The following VPS13B variants were observed in gnomAD, a reference collection of about 807,000 sequenced individuals.
VPS13B encodes vacuolar protein sorting 13 homolog B, also known as intermembrane lipid transfer protein VPS13B.
A neutral mutation model predicts 426.4 loss-of-function variants in VPS13B; 285 were observed. That is an observed-to-expected ratio of 0.67 (90% CI 0.61 to 0.74). VPS13B has a LOEUF of 0.74. VPS13B is among the 30% of genes least tolerant of loss of function. The pLI is 0.00. For missense variants in VPS13B, 4,537 were observed against 4,782.6 expected (o/e 0.95, Z 1.51); for synonymous variants, 1,676 against 1,676.4 (o/e 1.00, Z 0.01).
chr8:99,213,303 C>T (rs1442647579), intron 17 of VPS13B, among the ~76,000 whole-genome samples: 1 of 151,972 alleles, frequency 6.6e-6, no homozygotes, highest in East Asian at 1.9e-4. Flanking sequence ...AATTTTATTG[C>T]AAATATTCAT....
chr8:99,051,387 G>A (rs62532632), intron 3 of VPS13B, among the ~76,000 whole-genome samples: 109,793 of 149,732 alleles, frequency 0.73, 41,004 homozygotes, highest in South Asian at 0.87. Flanking sequence ...CCATTGGTCT[G>A]TATCTCTGTT....
chr8:99,448,617 T>C (rs1028997896), intron 23 of VPS13B, among the ~76,000 whole-genome samples: 5 of 152,180 alleles, frequency 3.3e-5, no homozygotes, highest in African/African-American at 1.2e-4. Flanking sequence ...ACAGCCCTTC[T>C]GGTTTCAGTG....
At chr8:99,695,198 G>A (rs1270797823) in intron 35 of VPS13B, among the ~76,000 whole-genome samples, 2 of 148,978 alleles carry the variant, frequency 1.3e-5, no homozygotes, top group Non-Finnish European at 3.0e-5. Context: ...CCATTACTGG[G>A]TATATACCCA....
At chr8:99,349,060 G>A (rs1022943861) in intron 19 of VPS13B, among the ~76,000 whole-genome samples, 5 of 151,600 alleles carry the variant, frequency 3.3e-5, no homozygotes, top group East Asian at 1.9e-4. Context: ...GCGGCCGGGC[G>A]CGGTGGCTCA....
intron 39 of VPS13B, among the ~76,000 whole-genome samples, chr8:99,741,407 C>T (rs1344143600): frequency 6.6e-6 from 1 of 152,182 alleles, no homozygotes; most frequent in Non-Finnish European, 1.5e-5. Context: ...CAACATTAGA[C>T]AGATCAACCA....
In VPS13B at chr8:99,627,270, T is replaced by A. The variant is rs1231990564; in HGVS notation, c.5221-14541T>A. Among the ~76,000 whole-genome samples, 5 of 152,006 alleles carry A rather than the reference T, an allele frequency of 3.3e-5. No individual in the cohort carries two copies. The East Asian group carries it at 9.7e-4, about 29-fold the overall frequency. On this transcript the variant is annotated intron_variant, in intron 33 of 61. Transcript: ENST00000357162. ...AATAACTAAGAGACTAAATTTCAAATGTATCACCATAAAAAAATAGGTACT... is the reference window on the plus strand; with the variant it reads ...AATAACTAAGAGACTAAATTTCAAAAGTATCACCATAAAAAAATAGGTACT...
intron 5 of VPS13B, among the ~76,000 whole-genome samples, chr8:99,105,918 C>A (rs1563543170): frequency 6.6e-6 from 1 of 152,006 alleles, no homozygotes; most frequent in East Asian, 1.9e-4. Context: ...GCAAATATAC[C>A]ATATGAAAGC....
intron 15 of VPS13B, 147 bp from the exon 16 acceptor site, chr8:99,169,892 A>T (rs1337991932): frequency 1.1e-6 from 1 of 930,878 alleles, no homozygotes; most frequent in Non-Finnish European, 1.7e-6. Context: ...TATAGAAGAA[A>T]ATGTTGATCG....
intron 14 of VPS13B, among the ~76,000 whole-genome samples, 158 bp downstream of exon 14, chr8:99,148,168 A>G (rs944334487): frequency 7.3e-5 from 11 of 151,598 alleles, no homozygotes; most frequent in African/African-American, 2.7e-4. Flanking sequence ...ACTTGAGGCC[A>G]AGAGTTTGAG....
chr8:99,429,811 T>C (rs1816990440), intron 21 of VPS13B, among the ~76,000 whole-genome samples: 1 of 152,200 alleles, frequency 6.6e-6, no homozygotes, highest in Admixed American at 6.5e-5. Flanking sequence ...AAAACACATA[T>C]TCAACAATGT....
At chr8:99,132,618 T>C (rs921849709) in intron 8 of VPS13B, among the ~76,000 whole-genome samples, 2 of 151,762 alleles carry the variant, frequency 1.3e-5, no homozygotes. Flanking sequence ...TCACTATCTA[T>C]GGTGGCTATA....
chr8:99,107,912 G>T (rs1297094656), intron 5 of VPS13B, among the ~76,000 whole-genome samples: 1 of 152,144 alleles, frequency 6.6e-6, no homozygotes, highest in African/African-American at 2.4e-5. Flanking sequence ...ATTGCATGTT[G>T]CATGCATTTG....
At chr8:99,205,366 A>T (rs1814638479) in intron 17 of VPS13B, among the ~76,000 whole-genome samples, 1 of 152,026 alleles carries the variant, frequency 6.6e-6, no homozygotes, top group Non-Finnish European at 1.5e-5. Context: ...GGGTAGGGGG[A>T]TAGGGGAGGG....
chr8:99,685,913 C>T (rs1831376519), intron 35 of VPS13B, among the ~76,000 whole-genome samples: 1 of 152,076 alleles, frequency 6.6e-6, no homozygotes, highest in South Asian at 2.1e-4. Context: ...TGTGGATGTT[C>T]ATCAGTGTCT....
intron 34 of VPS13B, among the ~76,000 whole-genome samples, chr8:99,659,620 A>G (rs1373989374): frequency 6.6e-6 from 1 of 152,202 alleles, no homozygotes; most frequent in Admixed American, 6.5e-5. Context: ...CCACAAGGAT[A>G]ACCATTCTCA....
At chr8:99,543,555 C>T (rs1373914371) in intron 30 of VPS13B, among the ~76,000 whole-genome samples, 4 of 151,768 alleles carry the variant, frequency 2.6e-5, no homozygotes, top group Non-Finnish European at 5.9e-5. Context: ...ATTTTTGCAA[C>T]CTACTCATCT....
intron 12 of VPS13B, among the ~76,000 whole-genome samples, chr8:99,139,363 C>T (rs1004017656): frequency 1.3e-5 from 2 of 151,468 alleles, no homozygotes; most frequent in Non-Finnish European, 2.9e-5. Context: ...AGATCACACA[C>T]AGTATGTGGG....
chr8:99,723,248 A>G (rs986837753), intron 39 of VPS13B, among the ~76,000 whole-genome samples: 1 of 152,234 alleles, frequency 6.6e-6, no homozygotes, highest in African/African-American at 2.4e-5. Flanking sequence ...ATCAATATTT[A>G]TAAAATACAT....
intron 3 of VPS13B, among the ~76,000 whole-genome samples, chr8:99,046,446 G>C (rs1245027052): frequency 2.0e-5 from 3 of 151,976 alleles, no homozygotes; most frequent in Admixed American, 6.6e-5. Flanking sequence ...GAGGTTTTTG[G>C]AGGAGTCTTG....
Sources: gnomAD v4.1 joint callset for allele counts (sites outside exome capture counted in the v4.1 genomes callset) on GRCh38, gnomAD v4.1.1 for gene constraint, MANE v1.5 for transcripts, NCBI Gene and HGNC (gene_info 2026-07-23, HGNC 2026-07-21) for gene names.